Variants in DMD observed in about 807,000 individuals in gnomAD.
DMD encodes the protein dystrophin, also known as mutant dystrophin.
DMD carries 63 observed loss-of-function variants against 330.1 expected under a neutral mutation model. That is an observed-to-expected ratio of 0.19 (90% CI 0.16 to 0.24). The LOEUF is 0.24. Ranked by LOEUF, DMD falls within the 10% of genes least tolerant of loss-of-function variation. The probability of loss-of-function intolerance (pLI) is 1.00; values close to 1 mark genes in which losing one functional copy is unlikely to be tolerated. For missense variants in DMD, 3,344 were observed against 2,684.1 expected, an observed-to-expected ratio of 1.25 and a Z score of -5.43; for synonymous variants, 1,223 against 959.8, an observed-to-expected ratio of 1.27 and a Z score of -5.07.
intron 41 of DMD, 114 bp from the exon 42 acceptor site, chrX:32,310,390 C>A: frequency 1.6e-6 from 1 of 608,788 alleles, no homozygotes; most frequent in Non-Finnish European, 2.7e-6. Context: ...ACAAACTGGG[C>A]TGAAAATGGA....
intron 60 of DMD, among the ~76,000 whole-genome samples, chrX:31,373,469 G>T (rs1760563107): frequency 9.8e-6 from 1 of 101,888 alleles, no homozygotes; most frequent in Non-Finnish European, 2.0e-5. Flanking sequence ...TACCAAAACA[G>T]AGACATAGAT....
rs1211843034 is a variant in DMD at position 32,441,225 on chromosome X, A to C, written c.3876T>G (p.Thr1292=). Residue 1292 remains threonine (T), a synonymous_variant, in exon 28 of 79, where the codon ACT becomes ACG. Coordinates refer to ENST00000357033, the MANE Select transcript of DMD (RefSeq NM_004006.3). Reference sequence around the variant, plus strand: ...CCTCAGCTCCGCCAGGAATGTTTTCAGTGGTTTTAAGTTTAAATTCTACTT... The same window carrying C: ...CCTCAGCTCCGCCAGGAATGTTTTCCGTGGTTTTAAGTTTAAATTCTACTT... The part of the protein sequence containing the change: ...LNEVEFKLKT[T]ENIPGGAEEI... 1 of 1,208,801 alleles carries C rather than the reference A, an allele frequency of 8.3e-7. No individual in the cohort carries two copies. The highest frequency in any genetic ancestry group is 1.1e-6 in the Non-Finnish European group (1 of 893,291).
At chrX:32,825,612 A>C (rs980808117) in intron 4 of DMD, among the ~76,000 whole-genome samples, 2 of 112,407 alleles carry the variant, frequency 1.8e-5, no homozygotes, top group South Asian at 7.4e-4. Context: ...AAAATGTGAG[A>C]ACACCCAAAT....
At chrX:32,921,768 T>C (rs1375588710) in intron 2 of DMD, among the ~76,000 whole-genome samples, 30 of 111,659 alleles carry the variant, frequency 2.7e-4, no homozygotes. Flanking sequence ...TTGGGGGTCA[T>C]TAACACTAAA....
At chrX:31,656,385 A>G (rs1046609792) in intron 54 of DMD, among the ~76,000 whole-genome samples, 15 of 112,256 alleles carry the variant, frequency 1.3e-4, no homozygotes, top group East Asian at 8.5e-4. Context: ...GGCTTGGGCC[A>G]TCAAGGAGCA....
Position 32,645,057 on chromosome X carries a change from T to G in DMD, c.1056A>C (p.Leu352Phe). Residue 352 changes from leucine to phenylalanine, a missense_variant, in exon 10 of 79, where the codon TTA becomes TTC. Leu to Phe is a conservative substitution (Grantham distance 22). Transcript: ENST00000357033. ...DRYQTALEEV[L>F]SWLLSAEDTL... ...TGTCCTCAGCAGAAAGAAGCCACGA[T>G]AATACTTCTTCTAAAGCTGTTTGAT... 1 of 1,209,950 alleles carries G rather than the reference T, an allele frequency of 8.3e-7. No homozygotes were observed. The highest frequency in any genetic ancestry group is 1.1e-6 in the Non-Finnish European group (1 of 895,142).
chrX:31,325,247 T>C (rs1335144024), intron 61 of DMD, among the ~76,000 whole-genome samples: 1 of 110,167 alleles, frequency 9.1e-6, no homozygotes, highest in Admixed American at 9.7e-5. Flanking sequence ...TTTTTTCTTC[T>C]GTAGGATGCA....
Position 32,013,093 on chromosome X carries a change from C to CTTTTTTT in DMD, c.6439-44586_6439-44580dup, listed in dbSNP as rs754162660. Among the ~76,000 whole-genome samples the CTTTTTTT allele has an allele frequency of 3.4e-4, 21 of 61,157 alleles. 1 individual carries two copies. Among genetic ancestry groups the CTTTTTTT allele is most frequent in the Non-Finnish European group, 4.5e-4 (17 of 37,857 alleles). The allele number at this position is 61,157 out of a possible 115,157, so 53.1% of individuals were successfully genotyped here. A position where few individuals can be genotyped will look rare whatever the true frequency, so the allele number is the denominator to read the frequency against. On this transcript the variant is annotated intron_variant, in intron 44 of 78. Transcript: ENST00000357033. ...GGAAATTAATCTTTTCTTTTCTTTC[C>CTTTTTTT]TTTTTTTTTTTTTGAGATGGAATCT...
chrX:31,843,303 C>T (rs1188903085), intron 48 of DMD, among the ~76,000 whole-genome samples: 2 of 111,982 alleles, frequency 1.8e-5, no homozygotes, highest in South Asian at 3.8e-4. Flanking sequence ...CTGCTTTCCA[C>T]AGTGGGTGAA....
At chrX:31,178,436 T>G in intron 70 of DMD, 1 of 916,619 alleles carries the variant, frequency 1.1e-6, no homozygotes, top group Non-Finnish European at 1.4e-6. Flanking sequence ...GTTGTGGTTT[T>G]TTTTTTTTTT....
At chrX:31,909,196 T>C (rs1009444510) in intron 47 of DMD, among the ~76,000 whole-genome samples, 1 of 111,980 alleles carries the variant, frequency 8.9e-6, no homozygotes, top group Non-Finnish European at 1.9e-5. Context: ...CACCCTTACG[T>C]TCCTTTGAGG....
chrX:32,684,028 C>CAT (rs1256718101), intron 9 of DMD, among the ~76,000 whole-genome samples: 2 of 101,003 alleles, frequency 2.0e-5, no homozygotes, highest in Admixed American at 2.0e-4. Flanking sequence ...TACACACACA[C>CAT]ACACACACAC....
intron 13 of DMD, among the ~76,000 whole-genome samples, chrX:32,593,164 C>T (rs2055125733): frequency 8.9e-6 from 1 of 112,581 alleles, no homozygotes; most frequent in South Asian, 3.6e-4. Context: ...GAGGTGCTGC[C>T]GGCCACAGAG....
At chrX:31,946,769 C>T (rs56918817) in intron 45 of DMD, among the ~76,000 whole-genome samples, 15,097 of 109,418 alleles carry the variant, frequency 0.14, 806 homozygotes, top group African/African-American at 0.17. Context: ...GAAAATTTCT[C>T]TGTATGTTTA....
intron 6 of DMD, among the ~76,000 whole-genome samples, chrX:32,812,486 A>G (rs2077442190): frequency 9.0e-6 from 1 of 111,301 alleles, no homozygotes; most frequent in African/African-American, 3.3e-5. Context: ...TACAAAAATT[A>G]GCAGGGCATG....
intron 7 of DMD, among the ~76,000 whole-genome samples, chrX:32,765,579 T>C (rs1416000979): frequency 4.5e-5 from 5 of 111,989 alleles, no homozygotes; most frequent in Non-Finnish European, 9.4e-5. Flanking sequence ...GACTAACATA[T>C]AGGAGTTCTT....
In DMD at chrX:31,309,487, G is replaced by A. The variant is rs184257992; in HGVS notation, c.9224+14111C>T. 1.3e-3 allele frequency among the ~76,000 whole-genome samples: 144 copies of A among 111,729 alleles called. 1 individual carries two copies. Among genetic ancestry groups the A allele is most frequent in the Middle Eastern group, 4.6e-3 (1 of 218 alleles). On this transcript the variant is annotated intron_variant, in intron 62 of 78. Transcript: ENST00000357033. The stretch of plus-strand genomic sequence containing the variant: ...ATGTTAAGGAAAAATATGTAGGCCC[G>A]CTCATCCTCCTTTTTTTCCCCTCTT...
chrX:33,304,422 G>A (rs2053720051), intron 1 of DMD, among the ~76,000 whole-genome samples: 1 of 110,577 alleles, frequency 9.0e-6, no homozygotes, highest in Non-Finnish European at 1.9e-5. Context: ...AATTCAAGAT[G>A]GATTAAAGAC....
intron 16 of DMD, among the ~76,000 whole-genome samples, chrX:32,556,479 T>G (rs1013185423): frequency 9.0e-6 from 1 of 111,147 alleles, no homozygotes; most frequent in Non-Finnish European, 1.9e-5. Context: ...TACCCAAATA[T>G]AAATCATTCT....
Sources: allele counts gnomAD v4.1 joint callset (sites outside exome capture counted in the v4.1 genomes callset), GRCh38; gene constraint gnomAD v4.1.1; transcripts MANE v1.5; gene names NCBI Gene and HGNC (gene_info 2026-07-23, HGNC 2026-07-21).